Variants in GYG2 observed in about 807,000 individuals in gnomAD.
GYG2 encodes the protein glycogenin 2.
Under a neutral mutation model 29.4 loss-of-function variants are expected in GYG2, and 29 were observed. The observed-to-expected ratio is 0.99, with a 90% CI of 0.74 to 1.35. GYG2 has a LOEUF of 1.35. Ranked by LOEUF, GYG2 falls within the 40% of genes most tolerant of loss-of-function variation. The pLI is 0.00. For synonymous variants in GYG2, 167 were observed against 172.3 expected (o/e 0.97, Z 0.24); for missense variants, 370 against 385.7 (o/e 0.96, Z 0.34).
chrX:2,875,892 TCA>T lies in GYG2; in HGVS notation c.1124_1125del (p.Thr375ArgfsTer3). 1 of 1,150,344 alleles carries T rather than the reference TCA, an allele frequency of 8.7e-7. No homozygotes were observed. The highest frequency in any genetic ancestry group is 1.2e-6 in the Non-Finnish European group (1 of 840,299). 94.8% of individuals were successfully genotyped at this position (1,150,344 alleles called of 1,213,427 possible). A position where few individuals can be genotyped will look rare whatever the true frequency, so the allele number is the denominator to read the frequency against. ...CAGCCTTCCCCTCAGCCTGCAGACT[TCA>T]CAGAGACTGAAACCATCTTGGTATT... On this transcript the variant is annotated frameshift_variant, in exon 9 of 11. Coordinates refer to ENST00000398806, the MANE Select transcript of GYG2 (RefSeq NM_001079855.2). LOFTEE classifies it high-confidence loss of function.
chrX:2,831,488 G>A (rs1371522865), intron 2 of GYG2, among the ~76,000 whole-genome samples: 2 of 111,928 alleles, frequency 1.8e-5, no homozygotes, highest in Non-Finnish European at 3.8e-5. Context: ...GATGAAAATT[G>A]TCGGGGCAGG....
chrX:2,861,538 TG>T lies in GYG2; in HGVS notation c.861del (p.Pro288ArgfsTer44). Reference sequence around the variant, plus strand: ...TTTGTGCAGCTTTGCCACAGTGATGTGGGGGGGCCGTGTGCGGATTCAGCCT... The same window carrying T: ...TTTGTGCAGCTTTGCCACAGTGATGTGGGGGGCCGTGTGCGGATTCAGCCT... ...SPGHTLCHSD[V>X]GGPCADSASG... On this transcript the variant is annotated frameshift_variant, in exon 8 of 11. Coordinates refer to ENST00000398806, the MANE Select transcript of GYG2 (RefSeq NM_001079855.2). LOFTEE classifies it high-confidence loss of function. 2 of 1,204,604 alleles carry T rather than the reference TG, an allele frequency of 1.7e-6. No homozygotes were observed. The highest frequency in any genetic ancestry group is 2.2e-6 in the Non-Finnish European group (2 of 890,461).
Position 2,830,993 on chromosome X carries a change from G to A in GYG2, c.7+798G>A, listed in dbSNP as rs58578949. Among the ~76,000 whole-genome samples, 1,046 of 112,292 alleles carry A rather than the reference G, an allele frequency of 9.3e-3. 16 individuals are homozygous for A. Among genetic ancestry groups the A allele is most frequent in the African/African-American group, 0.032 (988 of 30,918 alleles). ...AGAGGGCTGGCTGGCAAGAATGGCAGGAAAGGCCTGCCCCCGCCAAGGACC... is the reference window on the plus strand; with the variant it reads ...AGAGGGCTGGCTGGCAAGAATGGCAAGAAAGGCCTGCCCCCGCCAAGGACC... On this transcript the variant is annotated intron_variant, in intron 2 of 10. Coordinates refer to ENST00000398806, the MANE Select transcript of GYG2 (RefSeq NM_001079855.2).
rs1035242335 is a variant in GYG2, at chrX:2,882,444, A to T, written c.*1231A>T. 1 of 111,349 alleles carries T rather than the reference A, an allele frequency of 9.0e-6. No homozygotes were observed. Among genetic ancestry groups the T allele is most frequent in the Non-Finnish European group, 1.9e-5 (1 of 53,163 alleles). The allele number at this position is 111,349 out of a possible 1,213,427, so 9.2% of individuals were successfully genotyped here. On this transcript the variant is annotated 3_prime_UTR_variant, in exon 11 of 11. Coordinates refer to ENST00000398806, the MANE Select transcript of GYG2 (RefSeq NM_001079855.2). ...GGCCACTTTTTAGGTCACCTGAAGC[A>T]GTTTAGCCTTTGGATAGAGGAACCT...
Position 2,881,255 on chromosome X carries a change from TG to T in GYG2, c.*43del, listed in dbSNP as rs1371863250. Reference sequence around the variant, plus strand: ...CGTTGTGTGTAGTTAGACAATGTCCTGTTGGGTGGTCCTGTTGCGTGGAGAT... The same window carrying T: ...CGTTGTGTGTAGTTAGACAATGTCCTTTGGGTGGTCCTGTTGCGTGGAGAT... On this transcript the variant is annotated 3_prime_UTR_variant, in exon 11 of 11. Coordinates refer to ENST00000398806, the MANE Select transcript of GYG2 (RefSeq NM_001079855.2). 7.5e-6 allele frequency: 8 copies of T among 1,073,652 alleles called. No homozygotes were observed. The Admixed American group carries it at 1.4e-4, about 19-fold the overall frequency. The allele number at this position is 1,073,652 out of a possible 1,213,427, so 88.5% of individuals were successfully genotyped here.
In GYG2 at chrX:2,881,063, C is replaced by T. The variant is rs2088709354; in HGVS notation, c.1263C>T (p.Ala421=). The T allele has an allele frequency of 5.0e-6, 6 of 1,209,703 alleles. No homozygotes were observed. Among genetic ancestry groups the T allele is most frequent in the Non-Finnish European group, 6.7e-6 (6 of 894,235 alleles). ...SLQDALEVDL[A]VSVSQISIEE... ...ACTGTCTTCCCTAGGTCGACCTGGC[C>T]GTCTCTGTTTCCCAGATCTCCATCG... The change falls in exon 11 of 11, where the codon GCC becomes GCT. Residue 421 remains alanine, a synonymous_variant. Transcript: ENST00000398806.
chrX:2,831,944 C>T (rs1323888410), intron 2 of GYG2, among the ~76,000 whole-genome samples: 1 of 112,405 alleles, frequency 8.9e-6, no homozygotes. Flanking sequence ...GGTTTTCTTG[C>T]TGTTTTTCCA....
At chrX:2,841,939 C>T (rs1405592072) in intron 2 of GYG2, among the ~76,000 whole-genome samples, 1 of 111,894 alleles carries the variant, frequency 8.9e-6, no homozygotes, top group Non-Finnish European at 1.9e-5. Context: ...TCACATCAGT[C>T]TTGTGCACAG....
rs774463697 is a variant in GYG2 at position 2,860,042 on chromosome X, G to C, written c.814G>C (p.Ala272Pro). The C allele has an allele frequency of 2.5e-6, 3 of 1,181,521 alleles. No homozygotes were observed. The highest frequency in any genetic ancestry group is 3.4e-6 in the Non-Finnish European group (3 of 873,694). The change falls in exon 7 of 11, where the codon GCA (alanine) becomes CCA (proline). Residue 272 changes from alanine to proline, a missense_variant. Coordinates refer to ENST00000398806, the MANE Select transcript of GYG2 (RefSeq NM_001079855.2). Reference sequence around the variant, plus strand: ...TTATAAAAGCGTCCAAGCGGGGGAAGCACGCGCGTCTCCTGGTCACACAGT... The same window carrying C: ...TTATAAAAGCGTCCAAGCGGGGGAACCACGCGCGTCTCCTGGTCACACAGT... Reference protein sequence around the residue: ...PLYKSVQAGEARASPGHTLCH... With the variant: ...PLYKSVQAGEPRASPGHTLCH...
intron 3 of GYG2, among the ~76,000 whole-genome samples, chrX:2,847,339 A>G (rs1475294495): frequency 1.8e-5 from 2 of 110,619 alleles, no homozygotes; most frequent in Non-Finnish European, 3.8e-5. Flanking sequence ...ACACATTAAT[A>G]TGTTAGAGAA....
chrX:2,881,054 C>T lies in GYG2; in HGVS notation c.1254C>T (p.Val418=), dbSNP rs770837433. 5.0e-6 allele frequency: 6 copies of T among 1,207,236 alleles called. No individual in the cohort carries two copies. Among genetic ancestry groups the T allele is most frequent in the Non-Finnish European group, 6.7e-6 (6 of 893,598 alleles). ...CTCCCACTGACTGTCTTCCCTAGGT[C>T]GACCTGGCCGTCTCTGTTTCCCAGA... ...RDPSLQDALE[V]DLAVSVSQIS... The change falls in exon 11 of 11, where the codon GTC becomes GTT. Residue 418 remains valine (V), a splice_region_variant and synonymous_variant. Coordinates refer to ENST00000398806, the MANE Select transcript of GYG2 (RefSeq NM_001079855.2).
At chrX:2,863,231 C>T (rs776327821) in intron 8 of GYG2, among the ~76,000 whole-genome samples, 12 of 109,568 alleles carry the variant, frequency 1.1e-4, no homozygotes, top group African/African-American at 2.6e-4. Flanking sequence ...CCCGCCACCG[C>T]GCCCGGCTAA....
chrX:2,873,902 C>T (rs943159349), intron 8 of GYG2, among the ~76,000 whole-genome samples: 5 of 109,810 alleles, frequency 4.6e-5, no homozygotes, highest in African/African-American at 1.7e-4. Context: ...CCAGCCTGGC[C>T]AAGATGGTGA....
At chrX:2,869,022 A>AT (rs1286112050) in intron 8 of GYG2, among the ~76,000 whole-genome samples, 3 of 109,563 alleles carry the variant, frequency 2.7e-5, no homozygotes, top group Non-Finnish European at 5.7e-5. Context: ...ATCTTAAAAA[A>AT]AAAAAAAAGA....
At chrX:2,880,946 C>T in intron 10 of GYG2, 106 bp from the exon 11 acceptor site, 1 of 660,987 alleles carries the variant, frequency 1.5e-6, no homozygotes, top group Non-Finnish European at 2.3e-6. Flanking sequence ...TTTTTGAGAA[C>T]TGAGATGCAT....
At chrX:2,838,987 C>CT in intron 2 of GYG2, among the ~76,000 whole-genome samples, 1 of 111,760 alleles carries the variant, frequency 8.9e-6, no homozygotes, top group Non-Finnish European at 1.9e-5. Flanking sequence ...CACCCCATAA[C>CT]TTTTCAGTTT....
At position 2,844,504 on chromosome X, in the gene GYG2, A is replaced by ATATATGTGTATACGCACACGCATGCG. The variant is rs1569056054; in HGVS notation, c.149+1156_149+1181dup. On this transcript the variant is annotated intron_variant, in intron 3 of 10. Coordinates refer to ENST00000398806, the MANE Select transcript of GYG2 (RefSeq NM_001079855.2). ...TATGTGTATATGCACGCGTGTGCGTATATATGTGTATACGCACACGCATGC... is the reference window on the plus strand; with the variant it reads ...TATGTGTATATGCACGCGTGTGCGTATATATGTGTATACGCACACGCATGCGTATATGTGTATACGCACACGCATGC... Among the ~76,000 whole-genome samples, 97 of 102,788 alleles carry ATATATGTGTATACGCACACGCATGCG rather than the reference A, an allele frequency of 9.4e-4. 18 individuals are homozygous for ATATATGTGTATACGCACACGCATGCG. The highest frequency in any genetic ancestry group is 3.5e-3 in the African/African-American group (94 of 27,032). The allele number at this position is 102,788 out of a possible 115,157, so 89.3% of individuals were successfully genotyped here.
At chrX:2,857,008 T>C (rs866921474) in intron 6 of GYG2, among the ~76,000 whole-genome samples, 20 of 106,116 alleles carry the variant, frequency 1.9e-4, no homozygotes, top group Admixed American at 3.1e-4. Flanking sequence ...TCTATCTATC[T>C]ATCCATATCT....
At chrX:2,861,120 T>TTA (rs1396392567) in intron 7 of GYG2, among the ~76,000 whole-genome samples, 1 of 111,246 alleles carries the variant, frequency 9.0e-6, no homozygotes, top group Admixed American at 9.6e-5. Context: ...AATCCCTATT[T>TTA]TAATTTTTAG....
Sources: gnomAD v4.1 joint callset for allele counts (sites outside exome capture counted in the v4.1 genomes callset) on GRCh38, gnomAD v4.1.1 for gene constraint, MANE v1.5 for transcripts, NCBI Gene and HGNC (gene_info 2026-07-23, HGNC 2026-07-21) for gene names.